PLCG2: variants seen among roughly 807,000 people sequenced by gnomAD.
The protein encoded by PLCG2 is 1-phosphatidylinositol 4,5-bisphosphate phosphodiesterase gamma-2.
PLCG2 carries 69 observed loss-of-function variants against 175.6 expected under a neutral mutation model. That is an observed-to-expected ratio of 0.39 (90% CI 0.32 to 0.48). The LOEUF (loss-of-function observed/expected upper bound fraction) is 0.48, where lower values mean the gene tolerates loss of function less well. Among genes scored for constraint, PLCG2 ranks in the 20% least tolerant of loss-of-function variants. The pLI is 0.91. For synonymous variants in PLCG2, 827 were observed against 624.0 expected, an observed-to-expected ratio of 1.33 and a Z score of -4.85; for missense variants, 1,798 against 1,650.9, an observed-to-expected ratio of 1.09 and a Z score of -1.54.
intron 32 of PLCG2, 21 bp from the exon 33 acceptor site, chr16:81,957,932 ATGG>A (rs1911640975): frequency 6.2e-7 from 1 of 1,611,050 alleles, no homozygotes; most frequent in Admixed American, 1.7e-5. Flanking sequence ...CCCACTGCTG[ATGG>A]TGAAATCTGT....
At chr16:81,808,554 C>T (rs1388170243) in intron 2 of PLCG2, among the ~76,000 whole-genome samples, 1 of 152,048 alleles carries the variant, frequency 6.6e-6, no homozygotes, top group Non-Finnish European at 1.5e-5. Flanking sequence ...AGTGCGGTGG[C>T]ATGATCTCGG....
At chr16:81,896,596 A>G (rs1018792823) in intron 13 of PLCG2, among the ~76,000 whole-genome samples, 1 of 152,088 alleles carries the variant, frequency 6.6e-6, no homozygotes, top group Admixed American at 6.5e-5. Context: ...AAAACCCAAA[A>G]AAACAAAAAC....
intron 2 of PLCG2, among the ~76,000 whole-genome samples, chr16:81,805,500 G>GAAAAA (rs1316978784): frequency 1.8e-5 from 1 of 54,208 alleles, no homozygotes; most frequent in African/African-American, 5.8e-5. Flanking sequence ...CTCCATCTCA[G>GAAAAA]AAAAAAAAAA....
chr16:81,805,523 A>T lies in PLCG2; in HGVS notation c.193+19341A>T, dbSNP rs1415609953. Among the ~76,000 whole-genome samples, 4 of 150,336 alleles carry T rather than the reference A, an allele frequency of 2.7e-5. 1 individual carries two copies. The highest frequency in any genetic ancestry group is 5.9e-5 in the Non-Finnish European group (4 of 67,632). ...CAGAAAAAAAAAAAAAAAAAACAAA[A>T]CGCAAGAAAACAACAAAAAAAACCA... On this transcript the variant is annotated intron_variant, in intron 2 of 32. Transcript: ENST00000564138.
chr16:81,841,302 T>C (rs1905817193), intron 2 of PLCG2, among the ~76,000 whole-genome samples: 1 of 152,074 alleles, frequency 6.6e-6, no homozygotes, highest in African/African-American at 2.4e-5. Context: ...AGTGGCATGA[T>C]CTTGGCTCAC....
intron 7 of PLCG2, among the ~76,000 whole-genome samples, chr16:81,879,726 G>T (rs1907986454): frequency 6.6e-6 from 1 of 152,154 alleles, no homozygotes; most frequent in African/African-American, 2.4e-5. Context: ...AGGCTACCTG[G>T]GCAGAAATGG....
intron 22 of PLCG2, among the ~76,000 whole-genome samples, chr16:81,926,398 C>T (rs1327062021): frequency 6.6e-6 from 1 of 152,172 alleles, no homozygotes; most frequent in Admixed American, 6.5e-5. Context: ...CTGGGCACGG[C>T]CTTGCCGGGA....
chr16:81,746,509 C>A (rs1274003572), intron 1 of PLCG2, among the ~76,000 whole-genome samples: 1 of 152,182 alleles, frequency 6.6e-6, no homozygotes, highest in African/African-American at 2.4e-5. Context: ...GGGTGGGAAC[C>A]GCGGGGCTCT....
chr16:81,873,599 G>C (rs1181696642), intron 7 of PLCG2, among the ~76,000 whole-genome samples: 1 of 151,692 alleles, frequency 6.6e-6, no homozygotes, highest in African/African-American at 2.4e-5. Flanking sequence ...TCAAGATGCT[G>C]TGTTGTCAGA....
Position 81,758,973 on chromosome 16 carries a change from C to T in PLCG2, c.-48+3007C>T, listed in dbSNP as rs370590577. Among the ~76,000 whole-genome samples the T allele has an allele frequency of 8.5e-5, 13 of 152,308 alleles. 1 individual carries two copies. In the East Asian group the frequency reaches 9.6e-4, roughly 11 times the overall value. On this transcript the variant is annotated intron_variant, in intron 2 of 5. Transcript: ENST00000565054. ...GATTACAGGCGTGAGCCACCGCACC[C>T]GGCTATCGTCCATCTTTTTAAATTT...
At chr16:81,750,547 G>C (rs1163714628) in intron 1 of PLCG2, among the ~76,000 whole-genome samples, 1 of 151,606 alleles carries the variant, frequency 6.6e-6, no homozygotes, top group Non-Finnish European at 1.5e-5. Flanking sequence ...ATTCATAATA[G>C]CTGAGTTATG....
chr16:81,761,423 G>A (rs1910038919), intron 2 of PLCG2, among the ~76,000 whole-genome samples: 1 of 152,174 alleles, frequency 6.6e-6, no homozygotes, highest in Non-Finnish European at 1.5e-5. Context: ...AATTATGAAA[G>A]TGTAATTCTT....
intron 7 of PLCG2, among the ~76,000 whole-genome samples, chr16:81,877,839 T>A (rs1363513108): frequency 6.6e-6 from 1 of 151,984 alleles, no homozygotes; most frequent in East Asian, 1.9e-4. Context: ...ATTGCATCGC[T>A]CCTTGGCTTG....
At chr16:81,748,483 G>C (rs959331446) in intron 1 of PLCG2, among the ~76,000 whole-genome samples, 1 of 152,080 alleles carries the variant, frequency 6.6e-6, no homozygotes, top group African/African-American at 2.4e-5. Context: ...CTCAAAGACT[G>C]AGTCTGAAAG....
chr16:81,789,303 G>A (rs1238138412), intron 2 of PLCG2, among the ~76,000 whole-genome samples: 1 of 152,158 alleles, frequency 6.6e-6, no homozygotes, highest in Non-Finnish European at 1.5e-5. Context: ...CTCGCTCTCT[G>A]TTTTAGAGAC....
At chr16:81,845,277 G>C (rs1479120180) in intron 2 of PLCG2, among the ~76,000 whole-genome samples, 1 of 152,274 alleles carries the variant, frequency 6.6e-6, no homozygotes, top group East Asian at 1.9e-4. Context: ...TGTCCAGCTT[G>C]ATTCAGTTGC....
chr16:81,817,201 T>C lies in PLCG2; in HGVS notation c.193+31019T>C, dbSNP rs573008241. ...GATGGGTGGTCAGAAAAGGCCTCTC[T>C]GAGGAGCTGATATTTAGGCCGAGAT... On this transcript the variant is annotated intron_variant, in intron 2 of 32. Coordinates refer to ENST00000564138, the MANE Select transcript of PLCG2 (RefSeq NM_002661.5). 5.9e-4 allele frequency among the ~76,000 whole-genome samples: 90 copies of C among 152,200 alleles called. 1 individual carries two copies. Among genetic ancestry groups the C allele is most frequent in the Non-Finnish European group, 1.1e-3 (75 of 68,008 alleles).
At chr16:81,796,112 C>A (rs891003377) in intron 2 of PLCG2, among the ~76,000 whole-genome samples, 1 of 152,208 alleles carries the variant, frequency 6.6e-6, no homozygotes, top group Non-Finnish European at 1.5e-5. Flanking sequence ...AGTCTCATCG[C>A]TGGGCTGCAT....
At chr16:81,872,791 C>T (rs1287163959) in intron 7 of PLCG2, among the ~76,000 whole-genome samples, 1 of 152,218 alleles carries the variant, frequency 6.6e-6, no homozygotes, top group African/African-American at 2.4e-5. Flanking sequence ...ACTGACTGCT[C>T]CTAGCCTCAG....
Sources: allele counts gnomAD v4.1 joint callset (sites outside exome capture counted in the v4.1 genomes callset), GRCh38; gene constraint gnomAD v4.1.1; transcripts MANE v1.5; gene names NCBI Gene and HGNC (gene_info 2026-07-23, HGNC 2026-07-21).